Variants in PTPRN2 observed in about 807,000 individuals in gnomAD.
PTPRN2 encodes protein tyrosine phosphatase receptor type N2.
Under a neutral mutation model 118.8 loss-of-function variants are expected in PTPRN2, and 74 were observed. That is an observed-to-expected ratio of 0.62 (90% CI 0.52 to 0.76). PTPRN2 has a LOEUF of 0.76. PTPRN2 is among the 30% of genes least tolerant of loss of function. The probability of loss-of-function intolerance (pLI) is 0.00; values close to 1 mark genes in which losing one functional copy is unlikely to be tolerated. For missense variants in PTPRN2, 1,481 were observed against 1,394.4 expected, an observed-to-expected ratio of 1.06 and a Z score of -0.99; for synonymous variants, 641 against 608.0, an observed-to-expected ratio of 1.05 and a Z score of -0.80.
intron 11 of PTPRN2, among the ~76,000 whole-genome samples, chr7:157,967,880 T>C (rs1262582394): frequency 2.6e-5 from 4 of 152,358 alleles, no homozygotes; most frequent in South Asian, 2.1e-4. Flanking sequence ...CACAAGTCCA[T>C]GGAGGTCCAA....
At chr7:157,738,598 T>A (rs1393793514) in intron 12 of PTPRN2, among the ~76,000 whole-genome samples, 1 of 152,188 alleles carries the variant, frequency 6.6e-6, no homozygotes, top group African/African-American at 2.4e-5. Context: ...AAAATCCATG[T>A]TTTTTCATTT....
chr7:158,130,948 GAC>G (rs1491081390), intron 9 of PTPRN2, among the ~76,000 whole-genome samples: 1 of 134,550 alleles, frequency 7.4e-6, no homozygotes, highest in Non-Finnish European at 1.6e-5. Flanking sequence ...TGCACAAACT[GAC>G]ACATCTACCC....
chr7:158,587,637 TAGCAGC>T lies in PTPRN2; in HGVS notation c.27_32del (p.Leu14_Leu15del). On this transcript the variant is annotated inframe_deletion, in exon 1 of 23. Coordinates refer to ENST00000389418, the MANE Select transcript of PTPRN2 (RefSeq NM_002847.5). ...GGACGCGTGGCGGCAGCAGCAGCAG[TAGCAGC>T]AGCAGCAGCGGGAGCGGCGGCCCCA... The T allele has an allele frequency of 7.3e-7, 1 of 1,363,156 alleles. No individual in the cohort carries two copies. The allele number at this position is 1,363,156 out of a possible 1,614,324, so 84.4% of individuals were successfully genotyped here. A position where few individuals can be genotyped will look rare whatever the true frequency, so the allele number is the denominator to read the frequency against.
chr7:157,744,210 G>T (rs540347946), intron 12 of PTPRN2, among the ~76,000 whole-genome samples: 1 of 152,242 alleles, frequency 6.6e-6, no homozygotes, highest in African/African-American at 2.4e-5. Flanking sequence ...AGGTGGTCCA[G>T]GCATGGAGGG....
chr7:157,634,960 A>G (rs1804219423), intron 14 of PTPRN2, among the ~76,000 whole-genome samples: 1 of 152,188 alleles, frequency 6.6e-6, no homozygotes, highest in Non-Finnish European at 1.5e-5. Context: ...CAGGTCCCAG[A>G]TGTTCTGACC....
At chr7:158,100,194 T>G (rs1815110902) in intron 10 of PTPRN2, among the ~76,000 whole-genome samples, 1 of 152,116 alleles carries the variant, frequency 6.6e-6, no homozygotes, top group African/African-American at 2.4e-5. Context: ...TCCAGCTTGC[T>G]GTGAATGCCA....
chr7:157,795,742 TGTGGACGAGGCGGGAGGCGGGAG>T (rs367727434), intron 12 of PTPRN2, among the ~76,000 whole-genome samples: 2 of 152,356 alleles, frequency 1.3e-5, no homozygotes, highest in African/African-American at 4.8e-5. Context: ...TTCCTGAGCC[TGTGGACGAGGCGGGAGGCGGGAG>T]GTGGAGGAGG....
intron 3 of PTPRN2, among the ~76,000 whole-genome samples, chr7:158,289,380 G>C (rs566703144): frequency 7.5e-4 from 114 of 152,130 alleles, no homozygotes; most frequent in Non-Finnish European, 1.3e-3. Context: ...TCCTCTGACT[G>C]TATGTTTTCA....
intron 5 of PTPRN2, among the ~76,000 whole-genome samples, chr7:158,171,300 T>C (rs1167938805): frequency 7.1e-5 from 2 of 28,122 alleles, no homozygotes; most frequent in Admixed American, 5.0e-4. Context: ...CACACATATA[T>C]ATACACACAT....
At chr7:157,574,701 T>C (rs750639531) in intron 19 of PTPRN2, among the ~76,000 whole-genome samples, 1 of 152,244 alleles carries the variant, frequency 6.6e-6, no homozygotes, top group African/African-American at 2.4e-5. Context: ...TGTTCAAAGA[T>C]AAGAAACGCT....
intron 12 of PTPRN2, among the ~76,000 whole-genome samples, chr7:157,877,446 G>C (rs1484931776): frequency 1.3e-5 from 2 of 150,916 alleles, no homozygotes; most frequent in African/African-American, 4.9e-5. Flanking sequence ...GCCATGGTCA[G>C]GGTTTCCTTG....
intron 12 of PTPRN2, among the ~76,000 whole-genome samples, chr7:157,872,325 A>C (rs1811139419): frequency 8.1e-6 from 1 of 124,046 alleles, no homozygotes; most frequent in African/African-American, 3.1e-5. Context: ...CTCCCCACAC[A>C]CCCATACCCA....
chr7:158,557,915 G>A (rs1254940667), intron 1 of PTPRN2, among the ~76,000 whole-genome samples: 1 of 152,030 alleles, frequency 6.6e-6, no homozygotes, highest in Non-Finnish European at 1.5e-5. Context: ...AAGCTCTCCT[G>A]GTAAGGCACC....
chr7:158,397,743 A>T (rs1812632726), intron 2 of PTPRN2, among the ~76,000 whole-genome samples: 1 of 152,156 alleles, frequency 6.6e-6, no homozygotes, highest in South Asian at 2.1e-4. Context: ...ATGCCTTGTG[A>T]GGCCTCTTGA....
intron 12 of PTPRN2, among the ~76,000 whole-genome samples, chr7:157,853,358 G>T (rs922753955): frequency 6.6e-6 from 1 of 152,158 alleles, no homozygotes; most frequent in Non-Finnish European, 1.5e-5. Flanking sequence ...GCCACTGGAG[G>T]TAAGGATCCT....
intron 1 of PTPRN2, among the ~76,000 whole-genome samples, chr7:158,507,345 T>TCA (rs1822825334): frequency 6.9e-6 from 1 of 144,420 alleles, no homozygotes; most frequent in Non-Finnish European, 1.5e-5. Flanking sequence ...GGGCAGGAAA[T>TCA]CACACACATG....
intron 11 of PTPRN2, among the ~76,000 whole-genome samples, chr7:157,949,729 A>T (rs1028458982): frequency 5.3e-5 from 8 of 152,252 alleles, no homozygotes; most frequent in Non-Finnish European, 8.8e-5. Flanking sequence ...TACTTGATAA[A>T]AGTCTCCTGC....
chr7:158,089,577 AAGAG>A (rs1813834451), intron 10 of PTPRN2, among the ~76,000 whole-genome samples: 8 of 127,202 alleles, frequency 6.3e-5, no homozygotes, highest in African/African-American at 1.9e-4. Context: ...CCCCTGATGA[AAGAG>A]GGAGTCTTCA....
chr7:157,901,696 C>T (rs1256650424), intron 11 of PTPRN2, among the ~76,000 whole-genome samples: 2 of 151,920 alleles, frequency 1.3e-5, no homozygotes, highest in South Asian at 2.1e-4. Flanking sequence ...TGTTTACACC[C>T]GAAGTGGGGC....
Sources: allele counts gnomAD v4.1 joint callset (sites outside exome capture counted in the v4.1 genomes callset), GRCh38; gene constraint gnomAD v4.1.1; transcripts MANE v1.5; gene names NCBI Gene and HGNC (gene_info 2026-07-23, HGNC 2026-07-21).